ATP2B4: variants seen among roughly 807,000 people sequenced by gnomAD.
The protein encoded by ATP2B4 is plasma membrane calcium-transporting ATPase 4.
Under a neutral mutation model 110.3 loss-of-function variants are expected in ATP2B4, and 39 were observed. The ratio of observed to expected loss-of-function variants is 0.35; its 90% confidence interval spans 0.27 to 0.46. The LOEUF is 0.46. Ranked by LOEUF, ATP2B4 falls within the 20% of genes least tolerant of loss-of-function variation. ATP2B4 has a pLI of 1.00. For synonymous variants in ATP2B4, 538 were observed against 571.7 expected, an observed-to-expected ratio of 0.94 and a Z score of 0.84; for missense variants, 1,135 against 1,530.9, an observed-to-expected ratio of 0.74 and a Z score of 4.32.
At chr1:203,693,885 C>T (rs1665457271) in intron 2 of ATP2B4, among the ~76,000 whole-genome samples, 1 of 152,168 alleles carries the variant, frequency 6.6e-6, no homozygotes, top group Admixed American at 6.5e-5. Context: ...CTAGGCAAAC[C>T]AGGACAAGTT....
chr1:203,684,678 T>G (rs1199959139), intron 2 of ATP2B4, among the ~76,000 whole-genome samples: 3 of 149,632 alleles, frequency 2.0e-5, no homozygotes, highest in Admixed American at 2.0e-4. Flanking sequence ...CTATTTTAAA[T>G]AAAAAGAAAA....
chr1:203,699,868 T>A, intron 4 of ATP2B4, 151 bp downstream of exon 4: 1 of 1,351,416 alleles, frequency 7.4e-7, no homozygotes, highest in Non-Finnish European at 1.0e-6. Flanking sequence ...AAAGAGGTTG[T>A]GGGAAGCCAT....
intron 2 of ATP2B4, among the ~76,000 whole-genome samples, chr1:203,687,146 C>T (rs1054390194): frequency 6.6e-6 from 1 of 151,416 alleles, no homozygotes; most frequent in Non-Finnish European, 1.5e-5. Context: ...ACTGGGGAGA[C>T]GGTGTTGGAA....
chr1:203,656,034 A>G (rs1278966296), intron 1 of ATP2B4, among the ~76,000 whole-genome samples: 4 of 150,484 alleles, frequency 2.7e-5, no homozygotes, highest in African/African-American at 9.8e-5. Flanking sequence ...CCTCCCGAGT[A>G]GCTGGGATTA....
At chr1:203,732,157 C>CAA (rs567953858) in intron 20 of ATP2B4, among the ~76,000 whole-genome samples, 12 of 48,072 alleles carry the variant, frequency 2.5e-4, no homozygotes, top group African/African-American at 7.8e-4. Context: ...GCCTGGGTGT[C>CAA]AAAAAAAAAA....
At chr1:203,729,779 G>A in intron 20 of ATP2B4, 1 of 1,326,136 alleles carries the variant, frequency 7.5e-7, no homozygotes, top group Non-Finnish European at 1.0e-6. Flanking sequence ...TGGAGTCCGG[G>A]CACTGCCTGG....
At chr1:203,701,969 G>A (rs1665705215) in intron 6 of ATP2B4, 75 bp from the exon 7 acceptor site, 1 of 1,543,048 alleles carries the variant, frequency 6.5e-7, no homozygotes, top group Non-Finnish European at 8.9e-7. Context: ...TGGGCTCTGA[G>A]CAGGACCAAC....
At chr1:203,667,669 A>G (rs1219085791) in intron 1 of ATP2B4, among the ~76,000 whole-genome samples, 2 of 152,242 alleles carry the variant, frequency 1.3e-5, no homozygotes, top group African/African-American at 4.8e-5. Flanking sequence ...AGAATTCCAC[A>G]GCCTTAGACG....
At chr1:203,668,140 C>T (rs1458203343) in intron 1 of ATP2B4, among the ~76,000 whole-genome samples, 1 of 152,176 alleles carries the variant, frequency 6.6e-6, no homozygotes, top group Non-Finnish European at 1.5e-5. Context: ...ATCCATATGT[C>T]TATTCCCCAC....
chr1:203,714,061 AGGAAAG>A, intron 14 of ATP2B4, 104 bp from the exon 15 acceptor site: 1 of 1,070,320 alleles, frequency 9.3e-7, no homozygotes, highest in Non-Finnish European at 1.4e-6. Context: ...TAGAACTTCT[AGGAAAG>A]GGAAAAGGGA....
chr1:203,713,454 A>T (rs866045516), intron 14 of ATP2B4, among the ~76,000 whole-genome samples: 2,274 of 151,458 alleles, frequency 0.015, 68 homozygotes, highest in African/African-American at 0.053. Flanking sequence ...TTGGGTTTTT[A>T]TTTTTTTTAT....
intron 18 of ATP2B4, among the ~76,000 whole-genome samples, chr1:203,723,445 TCTCTCTCTCTCTCTCCCTCTGC>T (rs1666402011): frequency 7.3e-6 from 1 of 136,400 alleles, no homozygotes; most frequent in African/African-American, 2.8e-5. Context: ...TCTCTCTCTC[TCTCTCTCTCTCTCTCCCTCTGC>T]CTCTCTCTCT....
chr1:203,733,500 T>G, intron 20 of ATP2B4: 1 of 1,260,276 alleles, frequency 7.9e-7, no homozygotes, highest in Non-Finnish European at 1.1e-6. Context: ...TCCTTTTGGT[T>G]TTTCCCTTTG....
chr1:203,659,278 T>C (rs902722066), intron 1 of ATP2B4, among the ~76,000 whole-genome samples: 4 of 152,234 alleles, frequency 2.6e-5, no homozygotes, highest in African/African-American at 7.2e-5. Context: ...GATTACCATT[T>C]CTTGAGTAGC....
At chr1:203,667,162 A>C (rs1664527866) in intron 1 of ATP2B4, among the ~76,000 whole-genome samples, 1 of 152,082 alleles carries the variant, frequency 6.6e-6, no homozygotes, top group African/African-American at 2.4e-5. Flanking sequence ...ATGTTGCTCC[A>C]GCTGGTCTCG....
At chr1:203,714,134 C>A in intron 14 of ATP2B4, 37 bp from the exon 15 acceptor site, 1 of 1,588,500 alleles carries the variant, frequency 6.3e-7, no homozygotes, top group Non-Finnish European at 8.6e-7. Context: ...GTGGGGGAGA[C>A]CAGAAAAGCT....
At chr1:203,737,769 A>C (rs1403980862) in intron 20 of ATP2B4, among the ~76,000 whole-genome samples, 1 of 152,134 alleles carries the variant, frequency 6.6e-6, no homozygotes, top group East Asian at 1.9e-4. Context: ...GATACTGTTG[A>C]GTGGCAAGGA....
chr1:203,733,545 C>T, intron 20 of ATP2B4: 2 of 820,026 alleles, frequency 2.4e-6, no homozygotes, highest in Non-Finnish European at 3.6e-6. Flanking sequence ...AGACAAAAAT[C>T]CTACTCTAAA....
At chr1:203,683,671 T>C (rs989100051) in intron 2 of ATP2B4, among the ~76,000 whole-genome samples, 9 of 139,204 alleles carry the variant, frequency 6.5e-5, no homozygotes, top group African/African-American at 1.8e-4. Context: ...TGTTTCTTTT[T>C]TTTTTTTTTT....
Sources: gnomAD v4.1 joint callset for allele counts (sites outside exome capture counted in the v4.1 genomes callset) on GRCh38, gnomAD v4.1.1 for gene constraint, MANE v1.5 for transcripts, NCBI Gene and HGNC (gene_info 2026-07-23, HGNC 2026-07-21) for gene names.